Variants in CABLES1 observed in about 807,000 individuals in gnomAD.
CABLES1 encodes the protein Cdk5 and Abl enzyme substrate 1, also known as CDK5 and ABL1 enzyme substrate 1.
A neutral mutation model predicts 57.8 loss-of-function variants in CABLES1; 36 were observed. The ratio of observed to expected loss-of-function variants is 0.62; its 90% CI spans 0.48 to 0.82. The LOEUF (loss-of-function observed/expected upper bound fraction) is 0.82, where lower values mean the gene tolerates loss of function less well. Ranked by LOEUF, CABLES1 falls within the 40% of genes least tolerant of loss-of-function variation. The probability of loss-of-function intolerance (pLI) is 0.00; values close to 1 mark genes in which losing one functional copy is unlikely to be tolerated. For missense variants in CABLES1, 767 were observed against 836.6 expected (o/e 0.92, Z 1.03); for synonymous variants, 374 against 363.0 (o/e 1.03, Z -0.35).
chr18:23,244,173 G>C (rs913755534), intron 7 of CABLES1, among the ~76,000 whole-genome samples: 1 of 152,130 alleles, frequency 6.6e-6, no homozygotes, highest in African/African-American at 2.4e-5. Context: ...GTGATCTCAG[G>C]GCCAGTCACC....
intron 1 of CABLES1, among the ~76,000 whole-genome samples, chr18:23,143,637 A>G (rs1331365173): frequency 6.6e-6 from 1 of 152,164 alleles, no homozygotes; most frequent in African/African-American, 2.4e-5. Flanking sequence ...CAGAGACCAC[A>G]TGGCCTATTC....
At chr18:23,208,744 G>A (rs1209378181) in intron 3 of CABLES1, among the ~76,000 whole-genome samples, 1 of 152,160 alleles carries the variant, frequency 6.6e-6, no homozygotes, top group East Asian at 1.9e-4. Context: ...CAACAACAAG[G>A]AGTTCTCTCC....
At chr18:23,173,577 C>T (rs1486962593) in intron 1 of CABLES1, among the ~76,000 whole-genome samples, 1 of 152,172 alleles carries the variant, frequency 6.6e-6, no homozygotes, top group Non-Finnish European at 1.5e-5. Context: ...TATTTTTTCC[C>T]AACATATGTT....
At chr18:23,144,349 C>T (rs923432432) in intron 1 of CABLES1, among the ~76,000 whole-genome samples, 1 of 152,220 alleles carries the variant, frequency 6.6e-6, no homozygotes, top group Non-Finnish European at 1.5e-5. Flanking sequence ...TGATTCTGTT[C>T]CCCCACCCCA....
chr18:23,235,227 C>T lies in CABLES1; in HGVS notation c.1185+523C>T, dbSNP rs529343209. On this transcript the variant is annotated intron_variant, in intron 5 of 9. Transcript: ENST00000256925. ...CCCTGCCCTTTGTGCAGGGTCCAGA[C>T]GGTCCTCATCAACCCTTTCAAAATC... is the stretch of plus-strand genomic sequence containing the variant. 4.6e-5 allele frequency among the ~76,000 whole-genome samples: 7 copies of T among 152,306 alleles called. No individual in the cohort carries two copies. In the East Asian group the frequency reaches 9.7e-4, roughly 21 times the overall value.
At chr18:23,202,814 A>G (rs1053739883) in intron 3 of CABLES1, among the ~76,000 whole-genome samples, 3 of 151,976 alleles carry the variant, frequency 2.0e-5, no homozygotes, top group African/African-American at 7.3e-5. Context: ...GTGAAACCCC[A>G]TCTCTACTAA....
chr18:23,228,684 C>T (rs1277642279), intron 4 of CABLES1, among the ~76,000 whole-genome samples: 1 of 139,130 alleles, frequency 7.2e-6, no homozygotes, highest in Non-Finnish European at 1.5e-5. Flanking sequence ...CTCCCTTTTA[C>T]CCCCTCCAGT....
At chr18:23,167,765 C>T (rs190384600) in intron 1 of CABLES1, among the ~76,000 whole-genome samples, 297 of 151,556 alleles carry the variant, frequency 2.0e-3, no homozygotes, top group African/African-American at 6.4e-3. Context: ...GGGTGGGAAG[C>T]GGTGGTTCCA....
chr18:23,209,885 G>C (rs1000383955), intron 3 of CABLES1, among the ~76,000 whole-genome samples: 15 of 152,256 alleles, frequency 9.9e-5, no homozygotes, highest in Admixed American at 9.8e-4. Context: ...TTGCGGGGGG[G>C]CGGTCCTTGT....
intron 1 of CABLES1, among the ~76,000 whole-genome samples, chr18:23,150,213 T>G (rs4800454): frequency 0.017 from 2,387 of 142,788 alleles, 246 homozygotes; most frequent in Admixed American, 0.14. Flanking sequence ...GTTTGTTTTT[T>G]TTTTTTTTTT....
chr18:23,172,765 C>T (rs1323595934), intron 1 of CABLES1, among the ~76,000 whole-genome samples: 1 of 152,180 alleles, frequency 6.6e-6, no homozygotes, highest in Non-Finnish European at 1.5e-5. Flanking sequence ...GGAAAGCCTT[C>T]CTGAACAGCC....
intron 2 of CABLES1, among the ~76,000 whole-genome samples, chr18:23,190,711 T>TA (rs1261215118): frequency 2.0e-5 from 3 of 152,200 alleles, no homozygotes; most frequent in Non-Finnish European, 4.4e-5. Context: ...TATAAAATTC[T>TA]AAGAATGTCA....
intron 3 of CABLES1, among the ~76,000 whole-genome samples, chr18:23,208,375 T>A (rs980026441): frequency 1.3e-5 from 2 of 152,052 alleles, no homozygotes; most frequent in African/African-American, 4.8e-5. Context: ...ATTTTGTTGG[T>A]GGTGGTGGTG....
At chr18:23,186,849 C>T (rs751959688) in intron 1 of CABLES1, among the ~76,000 whole-genome samples, 1 of 152,222 alleles carries the variant, frequency 6.6e-6, no homozygotes, top group Non-Finnish European at 1.5e-5. Flanking sequence ...CATGGGGTTT[C>T]TGCTGCTGAG....
intron 1 of CABLES1, among the ~76,000 whole-genome samples, chr18:23,147,979 CTTTTTTTTTTT>C (rs10603023): frequency 1.0e-4 from 8 of 78,448 alleles, no homozygotes; most frequent in African/African-American, 3.9e-4. Context: ...GCTTGGCCTC[CTTTTTTTTTTT>C]TTTTTTTTTT....
intron 7 of CABLES1, among the ~76,000 whole-genome samples, chr18:23,241,652 G>C (rs2047739434): frequency 6.6e-6 from 1 of 152,224 alleles, no homozygotes; most frequent in Admixed American, 6.5e-5. Context: ...GCTTTCTGTG[G>C]AAATACTTTT....
At chr18:23,208,678 G>T (rs1244510633) in intron 3 of CABLES1, among the ~76,000 whole-genome samples, 1 of 152,188 alleles carries the variant, frequency 6.6e-6, no homozygotes, top group Non-Finnish European at 1.5e-5. Flanking sequence ...GCCAGGGAGA[G>T]CTGTGTCCCT....
intron 1 of CABLES1, among the ~76,000 whole-genome samples, chr18:23,178,481 C>A (rs375396797): frequency 1.3e-5 from 2 of 152,232 alleles, no homozygotes; most frequent in African/African-American, 4.8e-5. Context: ...CATGTACCTT[C>A]ATGGCGGCCA....
intron 3 of CABLES1, among the ~76,000 whole-genome samples, chr18:23,208,724 G>A (rs980697267): frequency 6.6e-6 from 1 of 152,298 alleles, no homozygotes; most frequent in South Asian, 2.1e-4. Flanking sequence ...ACAAAACTGG[G>A]TGATTAAGAC....
Sources: allele counts gnomAD v4.1 joint callset (sites outside exome capture counted in the v4.1 genomes callset), GRCh38; gene constraint gnomAD v4.1.1; transcripts MANE v1.5; gene names NCBI Gene and HGNC (gene_info 2026-07-23, HGNC 2026-07-21).